KAZN: variants seen among roughly 807,000 people sequenced by gnomAD.
KAZN encodes the protein kazrin, periplakin interacting protein.
Under a neutral mutation model 87.4 loss-of-function variants are expected in KAZN, and 40 were observed. The ratio of observed to expected loss-of-function variants is 0.46; its 90% CI spans 0.36 to 0.60. The LOEUF (loss-of-function observed/expected upper bound fraction) is 0.60. Ranked by LOEUF, KAZN falls within the 20% of genes least tolerant of loss-of-function variation. The pLI, the probability that KAZN is intolerant of heterozygous loss-of-function variation, is 0.00. For missense variants in KAZN, 898 were observed against 1,073.9 expected (o/e 0.84, Z 2.29); for synonymous variants, 466 against 458.3 (o/e 1.02, Z -0.22).
At chr1:13,902,941 G>T (rs1307558398) in intron 1 of KAZN, among the ~76,000 whole-genome samples, 1 of 152,196 alleles carries the variant, frequency 6.6e-6, no homozygotes, top group African/African-American at 2.4e-5. Context: ...CCTCCATGAT[G>T]GTCCCCATGA....
chr1:14,211,440 G>A (rs1338112520), intron 2 of KAZN, among the ~76,000 whole-genome samples: 4 of 152,138 alleles, frequency 2.6e-5, no homozygotes, highest in Admixed American at 2.6e-4. Context: ...TAGCCAGGAT[G>A]GTCTCGATCT....
At chr1:14,199,857 G>A (rs1646603190) in intron 2 of KAZN, among the ~76,000 whole-genome samples, 1 of 152,034 alleles carries the variant, frequency 6.6e-6, no homozygotes. Context: ...GAGACCCACA[G>A]GGATCTTGGG....
chr1:14,896,013 G>T (rs1439021239), intron 1 of KAZN, among the ~76,000 whole-genome samples: 1 of 149,442 alleles, frequency 6.7e-6, no homozygotes, highest in Admixed American at 6.7e-5. Flanking sequence ...CCAGGACAAA[G>T]GTCAGTAAGT....
chr1:14,656,107 G>T (rs1638773912), intron 1 of KAZN, among the ~76,000 whole-genome samples: 1 of 152,110 alleles, frequency 6.6e-6, no homozygotes, highest in African/African-American at 2.4e-5. Flanking sequence ...ATGTTCCTCA[G>T]AGACAAGGAA....
intron 1 of KAZN, among the ~76,000 whole-genome samples, chr1:14,649,081 G>C (rs576522213): frequency 1.5e-4 from 23 of 152,326 alleles, no homozygotes; most frequent in African/African-American, 5.3e-4. Context: ...CTGGATCTCA[G>C]CATGGAAGAC....
chr1:15,045,731 A>G (rs1673409795), intron 4 of KAZN, among the ~76,000 whole-genome samples: 5 of 152,330 alleles, frequency 3.3e-5, no homozygotes, highest in African/African-American at 1.2e-4. Flanking sequence ...GCGGAAGGCA[A>G]AGGAGAAACA....
intron 2 of KAZN, among the ~76,000 whole-genome samples, chr1:14,582,980 T>C (rs1299592306): frequency 2.0e-5 from 3 of 152,190 alleles, no homozygotes; most frequent in African/African-American, 7.2e-5. Flanking sequence ...CATCACATAA[T>C]ATACTGCCCA....
At chr1:14,515,068 C>T (rs752539803) in intron 2 of KAZN, among the ~76,000 whole-genome samples, 1 of 152,086 alleles carries the variant, frequency 6.6e-6, no homozygotes, top group Non-Finnish European at 1.5e-5. Context: ...TCCCCATGTA[C>T]CCAGTTCTTC....
At chr1:15,095,132 G>A (rs531655265) in intron 10 of KAZN, among the ~76,000 whole-genome samples, 199 bp downstream of exon 10, 18 of 152,240 alleles carry the variant, frequency 1.2e-4, no homozygotes, top group Admixed American at 7.8e-4. Flanking sequence ...AGCCCCCTCC[G>A]TAGAAAGACA....
At chr1:14,793,973 G>A (rs1268295422) in intron 1 of KAZN, among the ~76,000 whole-genome samples, 1 of 152,192 alleles carries the variant, frequency 6.6e-6, no homozygotes, top group Admixed American at 6.5e-5. Flanking sequence ...TTAAAAACCA[G>A]ATTGGTTATT....
intron 2 of KAZN, among the ~76,000 whole-genome samples, chr1:14,514,576 T>TAATATATGAAA (rs1557770326): frequency 8.1e-6 from 1 of 123,648 alleles, no homozygotes; most frequent in Non-Finnish European, 1.6e-5. Context: ...TCTATATATT[T>TAATATATGAAA]TATATATTTT....
At chr1:15,087,426 T>C (rs1641171297) in intron 8 of KAZN, among the ~76,000 whole-genome samples, 1 of 150,966 alleles carries the variant, frequency 6.6e-6, no homozygotes, top group South Asian at 2.1e-4. Flanking sequence ...AGGGTCTTAC[T>C]CTTTCGCCCA....
At chr1:14,099,863 T>A (rs919227800) in intron 1 of KAZN, among the ~76,000 whole-genome samples, 1 of 152,222 alleles carries the variant, frequency 6.6e-6, no homozygotes, top group South Asian at 2.1e-4. Context: ...ATCTGGCTCA[T>A]GTTAATTGGA....
chr1:14,652,280 ACCC>A (rs1638431051), intron 1 of KAZN, among the ~76,000 whole-genome samples: 1 of 152,050 alleles, frequency 6.6e-6, no homozygotes, highest in South Asian at 2.1e-4. Flanking sequence ...TGATATTTTT[ACCC>A]AATTTGCTTT....
intron 1 of KAZN, among the ~76,000 whole-genome samples, chr1:14,705,765 A>G (rs1642173830): frequency 6.6e-6 from 1 of 152,208 alleles, no homozygotes; most frequent in South Asian, 2.1e-4. Flanking sequence ...TGCTAGAGGC[A>G]GAGAAGGGGA....
chr1:14,241,329 G>A (rs1300910485), intron 2 of KAZN, among the ~76,000 whole-genome samples: 2 of 152,180 alleles, frequency 1.3e-5, no homozygotes, highest in Admixed American at 6.5e-5. Context: ...TAGCAATTAG[G>A]TGGCTGCCCC....
intron 2 of KAZN, among the ~76,000 whole-genome samples, chr1:14,519,630 G>T (rs1211624517): frequency 6.6e-6 from 1 of 152,148 alleles, no homozygotes; most frequent in African/African-American, 2.4e-5. Context: ...AGATATGAAA[G>T]CATAAGTGGT....
chr1:15,095,278 T>G (rs922658638), intron 10 of KAZN, among the ~76,000 whole-genome samples: 57 of 152,122 alleles, frequency 3.7e-4, no homozygotes, highest in African/African-American at 1.3e-3. Context: ...CGCCATGGTG[T>G]CTGCTCCTGG....
intron 1 of KAZN, among the ~76,000 whole-genome samples, chr1:14,015,503 G>T (rs1570531581): frequency 1.5e-5 from 1 of 67,658 alleles, no homozygotes; most frequent in Non-Finnish European, 2.6e-5. Context: ...TTTTTGAGAT[G>T]GAGTTTCGCT....
Sources: allele counts gnomAD v4.1 joint callset (sites outside exome capture counted in the v4.1 genomes callset), GRCh38; gene constraint gnomAD v4.1.1; transcripts MANE v1.5; gene names NCBI Gene and HGNC (gene_info 2026-07-23, HGNC 2026-07-21).